KRT13: variants seen among roughly 807,000 people sequenced by gnomAD.
The protein encoded by KRT13 is keratin 13.
Under a neutral mutation model 40.6 loss-of-function variants are expected in KRT13, and 27 were observed. The ratio of observed to expected loss-of-function variants is 0.67; its 90% confidence interval spans 0.49 to 0.92. KRT13 has a LOEUF of 0.92. Ranked by LOEUF, KRT13 falls within the 40% of genes least tolerant of loss-of-function variation. The pLI, the probability that KRT13 is intolerant of heterozygous loss-of-function variation, is 0.00. For missense variants in KRT13, 605 were observed against 611.5 expected (o/e 0.99, Z 0.11); for synonymous variants, 266 against 240.3 (o/e 1.11, Z -0.99).
At position 41,505,564 on chromosome 17, in the gene KRT13, T is replaced by G. The variant is rs1304710811; in HGVS notation, c.-14A>C. The G allele has an allele frequency of 6.2e-7, 1 of 1,614,078 alleles. No individual in the cohort carries two copies. Among genetic ancestry groups the G allele is most frequent in the Admixed American group, 1.7e-5 (1 of 60,024 alleles). On this transcript the variant is annotated 5_prime_UTR_variant, in exon 1 of 8. Transcript: ENST00000246635. ...GCGGAGGCTCATGGTGAGAGCAGGA[T>G]TGAGAGCAGGTGCAGATAGAAGCTT... is the stretch of plus-strand genomic sequence containing the variant.
Position 41,501,147 on chromosome 17 carries a change from C to T in KRT13, c.*109G>A. On this transcript the variant is annotated 3_prime_UTR_variant, in exon 8 of 8. Transcript: ENST00000246635. ...GAGTCAGGACAGGGGGTCCTGAGAGCAGAGGGACTGAGCCTTGGGTCCAGC... is the reference window on the plus strand; with the variant it reads ...GAGTCAGGACAGGGGGTCCTGAGAGTAGAGGGACTGAGCCTTGGGTCCAGC... 3 of 760,414 alleles carry T rather than the reference C, an allele frequency of 3.9e-6. No individual in the cohort carries two copies. In the South Asian group the frequency reaches 4.4e-5, roughly 11 times the overall value. The allele number at this position is 760,414 out of a possible 1,614,324, so 47.1% of individuals were successfully genotyped here.
chr17:41,502,327 CG>C, intron 6 of KRT13, 46 bp downstream of exon 6: 7 of 1,613,178 alleles, frequency 4.3e-6, no homozygotes, highest in Non-Finnish European at 5.9e-6. Flanking sequence ...CTGACACCCA[CG>C]GGTCCTGCAG....
rs750061864 is a variant in KRT13, at chr17:41,503,395, G to A, written c.627C>T (p.Asn209=). The part of the protein sequence containing the change: ...ALRQSVEADI[N]GLRRVLDELT... ...GCTCATCCAGCACCCGGCGCAGGCC[G>A]TTGATGTCGGCCTCCACGCTCTGGC... Residue 209 remains asparagine, a synonymous_variant, in exon 3 of 8, where the codon AAC becomes AAT. Coordinates refer to ENST00000246635, the MANE Select transcript of KRT13 (RefSeq NM_153490.3). 2.8e-5 allele frequency: 45 copies of A among 1,614,116 alleles called. No homozygotes were observed. Among genetic ancestry groups the A allele is most frequent in the African/African-American group, 1.2e-4 (9 of 74,944 alleles).
Position 41,503,394 on chromosome 17 carries a change from C to T in KRT13, c.628G>A (p.Gly210Ser), listed in dbSNP as rs201006488. The T allele has an allele frequency of 5.6e-6, 9 of 1,614,242 alleles. No individual in the cohort carries two copies. The highest frequency in any genetic ancestry group is 2.2e-5 in the East Asian group (1 of 44,882). ...LRQSVEADIN[G>S]LRRVLDELTL... The stretch of plus-strand genomic sequence containing the variant: ...AGCTCATCCAGCACCCGGCGCAGGC[C>T]GTTGATGTCGGCCTCCACGCTCTGG... The change falls in exon 3 of 8, where the codon GGC (glycine) becomes AGC (serine). Residue 210 changes from glycine (G) to serine (S), a missense_variant. Gly to Ser is a moderately conservative substitution (Grantham distance 56). Transcript: ENST00000246635.
In KRT13 at chr17:41,501,208, T is replaced by C; in HGVS notation, c.*48A>G. 2 of 1,380,226 alleles carry C rather than the reference T, an allele frequency of 1.4e-6. No homozygotes were observed. Among genetic ancestry groups the C allele is most frequent in the Non-Finnish European group, 2.0e-6 (2 of 994,470 alleles). 85.5% of individuals were successfully genotyped at this position (1,380,226 alleles called of 1,614,324 possible). On this transcript the variant is annotated 3_prime_UTR_variant, in exon 8 of 8. Transcript: ENST00000246635. ...CTCTCCTGCAGGGAACTGCCGGCTC[T>C]CTCCTCCTCTGGGTGCTGAAGACAG...
chr17:41,501,891 C>T, intron 6 of KRT13, 147 bp from the exon 7 acceptor site: 1 of 1,524,944 alleles, frequency 6.6e-7, no homozygotes, highest in Non-Finnish European at 8.8e-7. Context: ...GCTCAAGGGA[C>T]AGCAGCATCA....
rs1484837941 is a variant in KRT13 at position 41,501,369 on chromosome 17, A to C, written c.1271-7T>G. ...CTACGGGGGCTGACGCTTCCTGGGAAACAAGAGACAAGACATGCTCAGGCT... is the reference window on the plus strand; with the variant it reads ...CTACGGGGGCTGACGCTTCCTGGGACACAAGAGACAAGACATGCTCAGGCT... On this transcript the variant is annotated splice_polypyrimidine_tract_variant and splice_region_variant and intron_variant, in intron 7 of 7. Coordinates refer to ENST00000246635, the MANE Select transcript of KRT13 (RefSeq NM_153490.3). 1.3e-6 allele frequency: 2 copies of C among 1,550,708 alleles called. No homozygotes were observed. Among genetic ancestry groups the C allele is most frequent in the African/African-American group, 2.7e-5 (2 of 73,506 alleles).
intron 6 of KRT13, 185 bp downstream of exon 6, chr17:41,502,189 G>A (rs560232648): frequency 6.7e-6 from 10 of 1,496,406 alleles, no homozygotes; most frequent in Admixed American, 6.3e-5. Context: ...AGTCTAACTT[G>A]GAGGCCCAAA....
chr17:41,502,378 C>T lies in KRT13; in HGVS notation c.1240G>A (p.Ala414Thr), dbSNP rs570689594. The change falls in exon 6 of 8, where the codon GCC becomes ACC. Residue 414 changes from alanine (A) to threonine (T), a missense_variant. Transcript: ENST00000246635. ...AAGAGGCTGGAGAGGACCTACTTGG[C>T]GTCCTGGCCCTCGAGCAGGCTGCGG... is the stretch of plus-strand genomic sequence containing the variant. The part of the protein sequence containing the change: ...TYRSLLEGQD[A>T]KMIGFPSSAG... The T allele has an allele frequency of 4.3e-6, 7 of 1,614,178 alleles. No individual in the cohort carries two copies. The highest frequency in any genetic ancestry group is 3.3e-5 in the South Asian group (3 of 91,088).
At chr17:41,504,284 C>T (rs1904984676) in intron 1 of KRT13, 1 of 165,822 alleles carries the variant, frequency 6.0e-6, no homozygotes, top group Admixed American at 5.6e-5. Context: ...AGACTAGCAC[C>T]CTCCCTAGGC....
chr17:41,503,034 C>T lies in KRT13; in HGVS notation c.800G>A (p.Gly267Asp). 1 of 1,614,182 alleles carries T rather than the reference C, an allele frequency of 6.2e-7. No individual in the cohort carries two copies. The highest frequency in any genetic ancestry group is 8.5e-7 in the Non-Finnish European group (1 of 1,180,020). The change falls in exon 4 of 8, where the codon GGC becomes GAC. Residue 267 changes from glycine (G) to aspartate (D), a missense_variant. Gly to Asp is a moderately conservative substitution (Grantham distance 94, BLOSUM62 -1). Transcript: ENST00000246635. ...TGCCAGCACGCGGGTCAGGTCAATG[C>T]CTGGGGTGGCATCCATCTCCACGTT... Reference protein sequence around the residue: ...QVNVEMDATPGIDLTRVLAEM... With the variant: ...QVNVEMDATPDIDLTRVLAEM...
In KRT13 at chr17:41,505,204, G is replaced by A. The variant is rs201949656; in HGVS notation, c.347C>T (p.Ala116Val). The A allele has an allele frequency of 8.1e-6, 13 of 1,614,224 alleles. No individual in the cohort carries two copies. The highest frequency in any genetic ancestry group is 6.7e-5 in the African/African-American group (5 of 75,054). Residue 116 changes from alanine (A) to valine (V), a missense_variant, in exon 1 of 8, where the codon GCT (alanine) becomes GTT (valine). Physicochemically the swap from Ala to Val is moderately conservative, Grantham distance 64 (BLOSUM62 0). Transcript: ENST00000246635. ...GGCGCGCACCTTCTCCAGGTAGGAAGCCAGGCGGTCGTTGAGGTTCTGCAT... is the reference window on the plus strand; with the variant it reads ...GGCGCGCACCTTCTCCAGGTAGGAAACCAGGCGGTCGTTGAGGTTCTGCAT... Reference protein sequence around the residue: ...ITMQNLNDRLASYLEKVRALE... With the variant: ...ITMQNLNDRLVSYLEKVRALE...
Position 41,502,526 on chromosome 17 carries a change from C to T in KRT13, c.1092G>A (p.Gln364=), listed in dbSNP as rs554915056. The T allele has an allele frequency of 9.3e-6, 15 of 1,614,028 alleles. No individual in the cohort carries two copies. The highest frequency in any genetic ancestry group is 1.3e-5 in the Non-Finnish European group (15 of 1,180,038). ...CRYALQLQQI[Q]GLISSIEAQL... ...GGGCCTCGATGCTGCTGATGAGTCCCTGGATCTGCTGCAGCTGCAGGGCAT... is the reference window on the plus strand; with the variant it reads ...GGGCCTCGATGCTGCTGATGAGTCCTTGGATCTGCTGCAGCTGCAGGGCAT... The change falls in exon 6 of 8, where the codon CAG becomes CAA. Residue 364 remains glutamine (Q), a synonymous_variant. Transcript: ENST00000246635.
rs573954696 is a variant in KRT13 at position 41,502,023 on chromosome 17, C to G, written c.1245-279G>C. 9.2e-6 allele frequency: 13 copies of G among 1,417,986 alleles called. No homozygotes were observed. The South Asian group carries it at 2.0e-4, about 21-fold the overall frequency. 87.8% of individuals were successfully genotyped at this position (1,417,986 alleles called of 1,614,324 possible). A position where few individuals can be genotyped will look rare whatever the true frequency, so the allele number is the denominator to read the frequency against. ...CTCTGGATCGCCCAAACCCGCAACC[C>G]TCCACCTGAGCCCTGAGCCCACAGG... On this transcript the variant is annotated intron_variant, in intron 6 of 7. Transcript: ENST00000246635.
chr17:41,502,556 G>A lies in KRT13; in HGVS notation c.1062C>T (p.Cys354=). ...GLENTVAETE[C]RYALQLQQIQ... Reference sequence around the variant, plus strand: ...TCTGCTGCAGCTGCAGGGCATAGCGGCACTCCGTCTCTGCCACCGTGTTCT... The same window carrying A: ...TCTGCTGCAGCTGCAGGGCATAGCGACACTCCGTCTCTGCCACCGTGTTCT... The change falls in exon 6 of 8, where the codon TGC becomes TGT. Residue 354 remains cysteine, a synonymous_variant. Coordinates refer to ENST00000246635, the MANE Select transcript of KRT13 (RefSeq NM_153490.3). 6.2e-7 allele frequency: 1 copy of A among 1,613,790 alleles called. No individual in the cohort carries two copies. The highest frequency in any genetic ancestry group is 1.1e-5 in the South Asian group (1 of 91,090).
At chr17:41,503,766 TC>T (rs749972851) in intron 1 of KRT13, 41 bp from the exon 2 acceptor site, 43 of 1,524,856 alleles carry the variant, frequency 2.8e-5, no homozygotes, top group Admixed American at 3.3e-5. Context: ...GGCATGGGTG[TC>T]CAGTCTGTTG....
intron 6 of KRT13, 122 bp downstream of exon 6, chr17:41,502,252 A>G (rs769059353): frequency 1.2e-4 from 200 of 1,603,640 alleles, no homozygotes; most frequent in Non-Finnish European, 1.5e-4. Context: ...ATGTCCCCGT[A>G]AAGTCAGACA....
chr17:41,502,828 G>T lies in KRT13; in HGVS notation c.898-16C>A. ...GCTCTGCACTCTGAAATGCAAGCAG[G>T]AAGAAGGTGGTGGGGAAGCTCAGCT... On this transcript the variant is annotated splice_polypyrimidine_tract_variant and intron_variant, in intron 4 of 7. Coordinates refer to ENST00000246635, the MANE Select transcript of KRT13 (RefSeq NM_153490.3). 6.2e-7 allele frequency: 1 copy of T among 1,614,184 alleles called. No individual in the cohort carries two copies. The highest frequency in any genetic ancestry group is 8.5e-7 in the Non-Finnish European group (1 of 1,180,034).
rs751617162 is a variant in KRT13, at chr17:41,501,322, A to G, written c.1311T>C (p.Ser437=). ...TAGAGGTGGTGGTAACAGAGGCACT[A>G]GAAGTCGTGGTAACAGAGGTGCTAC... ...SPRSTSVTTT[S]SASVTTTSNA... The change falls in exon 8 of 8, where the codon TCT becomes TCC. Residue 437 remains serine (S), a synonymous_variant. Coordinates refer to ENST00000246635, the MANE Select transcript of KRT13 (RefSeq NM_153490.3). 1 of 1,575,354 alleles carries G rather than the reference A, an allele frequency of 6.3e-7. No homozygotes were observed. Among genetic ancestry groups the G allele is most frequent in the South Asian group, 1.2e-5 (1 of 85,660 alleles).
Sources: gnomAD v4.1 joint callset for allele counts on GRCh38, gnomAD v4.1.1 for gene constraint, MANE v1.5 for transcripts, NCBI Gene and HGNC (gene_info 2026-07-23, HGNC 2026-07-21) for gene names.